MDGA2: variants seen among roughly 807,000 people sequenced by gnomAD.
MDGA2 encodes MAM domain containing glycosylphosphatidylinositol anchor 2, also known as MAM domain-containing glycosylphosphatidylinositol anchor protein 2.
Under a neutral mutation model 117.8 loss-of-function variants are expected in MDGA2, and 40 were observed. The ratio of observed to expected loss-of-function variants is 0.34; its 90% CI spans 0.26 to 0.44. The LOEUF (loss-of-function observed/expected upper bound fraction) is 0.44. Ranked by LOEUF, MDGA2 falls within the 20% of genes least tolerant of loss-of-function variation. The probability of loss-of-function intolerance (pLI) is 1.00; values close to 1 mark genes in which losing one functional copy is unlikely to be tolerated. For missense variants in MDGA2, 1,123 were observed against 1,250.6 expected, an observed-to-expected ratio of 0.90 and a Z score of 1.54; for synonymous variants, 452 against 439.0, an observed-to-expected ratio of 1.03 and a Z score of -0.37.
At chr14:47,368,458 C>G (rs1173914646) in intron 1 of MDGA2, among the ~76,000 whole-genome samples, 1 of 152,052 alleles carries the variant, frequency 6.6e-6, no homozygotes, top group Non-Finnish European at 1.5e-5. Flanking sequence ...AATAATCATA[C>G]AGTGTAATAA....
intron 9 of MDGA2, among the ~76,000 whole-genome samples, chr14:46,936,199 A>G (rs1884775567): frequency 6.6e-6 from 1 of 152,100 alleles, no homozygotes; most frequent in Admixed American, 6.6e-5. Context: ...CATGTCTACA[A>G]TTTCGTTCTT....
chr14:47,182,244 T>C (rs1416327533), intron 3 of MDGA2, among the ~76,000 whole-genome samples: 2 of 152,096 alleles, frequency 1.3e-5, no homozygotes, highest in Non-Finnish European at 2.9e-5. Context: ...TTTAATCCTA[T>C]TGCAGATTAG....
At chr14:47,188,165 G>C (rs1884980159) in intron 3 of MDGA2, among the ~76,000 whole-genome samples, 1 of 152,058 alleles carries the variant, frequency 6.6e-6, no homozygotes, top group Non-Finnish European at 1.5e-5. Flanking sequence ...CCCAATGATT[G>C]CCTCTATCTG....
rs530438388 is a variant in MDGA2 at position 47,427,507 on chromosome 14, T to G, written c.281-125957A>C. Among the ~76,000 whole-genome samples, 6 of 143,962 alleles carry G rather than the reference T, an allele frequency of 4.2e-5. No individual in the cohort carries two copies. The South Asian group carries it at 1.3e-3, about 31-fold the overall frequency. The allele number at this position is 143,962 out of a possible 152,430, so 94.4% of individuals were successfully genotyped here. On this transcript the variant is annotated intron_variant, in intron 1 of 16. Transcript: ENST00000399232. ...TTTTTGGACCAGGTTCTCCATGTCA[T>G]TTTGTAATTATTCATTCAAATATAA...
At chr14:47,486,284 G>A (rs1352587051) in intron 1 of MDGA2, among the ~76,000 whole-genome samples, 1 of 152,212 alleles carries the variant, frequency 6.6e-6, no homozygotes, top group East Asian at 1.9e-4. Flanking sequence ...CTGGATTTCA[G>A]AATTGCATGG....
At chr14:47,627,587 A>G (rs1033524173) in intron 1 of MDGA2, among the ~76,000 whole-genome samples, 3 of 152,208 alleles carry the variant, frequency 2.0e-5, no homozygotes, top group African/African-American at 4.8e-5. Context: ...GGCACCAATC[A>G]GCACCCTGTC....
chr14:47,630,440 G>A (rs1461087860), intron 1 of MDGA2, among the ~76,000 whole-genome samples: 2 of 152,272 alleles, frequency 1.3e-5, no homozygotes, highest in Admixed American at 6.5e-5. Flanking sequence ...CAAAGATTAT[G>A]TAATGCATTT....
intron 10 of MDGA2, among the ~76,000 whole-genome samples, chr14:46,910,216 C>G (rs1883645931): frequency 6.6e-6 from 1 of 151,884 alleles, no homozygotes; most frequent in African/African-American, 2.4e-5. Flanking sequence ...CCTTTTTGCT[C>G]TCTCCCTTCC....
At chr14:47,217,215 C>A (rs886799990) in intron 3 of MDGA2, among the ~76,000 whole-genome samples, 4 of 151,998 alleles carry the variant, frequency 2.6e-5, no homozygotes, top group Non-Finnish European at 5.9e-5. Context: ...TCAGTTGTTG[C>A]TTATGTCTAA....
chr14:47,538,900 C>G, intron 1 of MDGA2, among the ~76,000 whole-genome samples: 1 of 152,146 alleles, frequency 6.6e-6, no homozygotes, highest in East Asian at 1.9e-4. Flanking sequence ...TTATATATCT[C>G]AGGGGTAACG....
At chr14:47,307,144 T>G (rs953265321) in intron 1 of MDGA2, among the ~76,000 whole-genome samples, 1 of 152,230 alleles carries the variant, frequency 6.6e-6, no homozygotes, top group Non-Finnish European at 1.5e-5. Context: ...AAATGTTCAA[T>G]GTAGCACGTG....
chr14:47,526,572 G>C (rs1894977479), intron 1 of MDGA2, among the ~76,000 whole-genome samples: 1 of 152,060 alleles, frequency 6.6e-6, no homozygotes, highest in Non-Finnish European at 1.5e-5. Flanking sequence ...TCTTTGCTCA[G>C]CTATTTGGTC....
At chr14:47,171,924 T>G (rs975793416) in intron 3 of MDGA2, among the ~76,000 whole-genome samples, 1 of 152,102 alleles carries the variant, frequency 6.6e-6, no homozygotes, top group Non-Finnish European at 1.5e-5. Flanking sequence ...GCACCTGGAA[T>G]ATCGGGTCAT....
chr14:47,404,316 G>T (rs1275887130), intron 1 of MDGA2, among the ~76,000 whole-genome samples: 3 of 151,828 alleles, frequency 2.0e-5, no homozygotes, highest in Non-Finnish European at 2.9e-5. Context: ...CTCCTGAGTA[G>T]CTGGGATTAC....
chr14:47,319,473 T>C (rs1055425481), intron 1 of MDGA2, among the ~76,000 whole-genome samples: 10 of 152,184 alleles, frequency 6.6e-5, no homozygotes, highest in Non-Finnish European at 1.5e-4. Flanking sequence ...GTAAACTAAA[T>C]GATTAAAAGC....
chr14:46,907,475 A>C (rs575366107), intron 10 of MDGA2, among the ~76,000 whole-genome samples: 1 of 152,132 alleles, frequency 6.6e-6, no homozygotes, highest in African/African-American at 2.4e-5. Context: ...TTAGACCTCT[A>C]TTGTTCTCAT....
chr14:47,113,771 C>A (rs1345544529), intron 5 of MDGA2, among the ~76,000 whole-genome samples: 2 of 152,036 alleles, frequency 1.3e-5, no homozygotes, highest in Non-Finnish European at 2.9e-5. Flanking sequence ...ATAATAAGAG[C>A]CATTTATGAA....
chr14:47,073,146 T>A (rs1890355486), intron 6 of MDGA2, among the ~76,000 whole-genome samples: 1 of 152,236 alleles, frequency 6.6e-6, no homozygotes. Context: ...TACGAATTTC[T>A]AACACTGAGT....
chr14:47,086,992 T>C (rs947844675), intron 6 of MDGA2, among the ~76,000 whole-genome samples: 14 of 152,300 alleles, frequency 9.2e-5, no homozygotes, highest in Admixed American at 2.0e-4. Context: ...GACACAGATA[T>C]AGCATAGAGC....
Sources: gnomAD v4.1 joint callset for allele counts (sites outside exome capture counted in the v4.1 genomes callset) on GRCh38, gnomAD v4.1.1 for gene constraint, MANE v1.5 for transcripts, NCBI Gene and HGNC (gene_info 2026-07-23, HGNC 2026-07-21) for gene names.